The following CNTLN variants were observed in gnomAD, a reference collection of about 807,000 sequenced individuals.
CNTLN encodes centlein, centrosomal protein.
Under a neutral mutation model 180.0 loss-of-function variants are expected in CNTLN, and 212 were observed. The observed-to-expected ratio is 1.18, with a 90% CI of 1.05 to 1.32. The LOEUF is 1.32. Ranked by LOEUF, CNTLN falls within the 40% of genes most tolerant of loss-of-function variation. The pLI, the probability that CNTLN is intolerant of heterozygous loss-of-function variation, is 0.00. For synonymous variants in CNTLN, 722 were observed against 563.1 expected (o/e 1.28, Z -3.99); for missense variants, 2,095 against 1,610.9 (o/e 1.30, Z -5.14).
rs1334007181 is a variant in CNTLN at position 17,409,212 on chromosome 9, A to G, written c.2616-81A>G. On this transcript the variant is annotated intron_variant, in intron 15 of 25. Coordinates refer to ENST00000380647, the MANE Select transcript of CNTLN (RefSeq NM_017738.4). ...TTTTATATACAATCTATGCTAAAAT[A>G]TTATTTGGTCTTGAACTTAAGACAA... The G allele has an allele frequency of 3.9e-6, 5 of 1,290,764 alleles. No homozygotes were observed. In the African/African-American group the frequency reaches 7.5e-5, roughly 19 times the overall value. 80.0% of individuals were successfully genotyped at this position (1,290,764 alleles called of 1,614,324 possible). A position where few individuals can be genotyped will look rare whatever the true frequency, so the allele number is the denominator to read the frequency against.
chr9:17,235,608 GT>G, intron 3 of CNTLN, 49 bp from the exon 4 acceptor site: 1 of 1,406,010 alleles, frequency 7.1e-7, no homozygotes, highest in Non-Finnish European at 9.7e-7. Flanking sequence ...ATAAAATACT[GT>G]TTTTCTTAGA....
the CNTLN span, among the ~76,000 whole-genome samples, chr9:17,510,635 T>C: frequency 1.3e-5 from 2 of 152,192 alleles, no homozygotes; most frequent in African/African-American, 4.8e-5. Flanking sequence ...CAGTTTGCCT[T>C]TGGACTTGAA....
chr9:17,520,826 G>C, the CNTLN span, among the ~76,000 whole-genome samples: 1 of 152,176 alleles, frequency 6.6e-6, no homozygotes, highest in African/African-American at 2.4e-5. Context: ...TAATGCTAGT[G>C]GTCAGGGCAG....
chr9:17,404,441 C>A (rs949208316), intron 15 of CNTLN, among the ~76,000 whole-genome samples: 1 of 151,598 alleles, frequency 6.6e-6, no homozygotes, highest in Non-Finnish European at 1.5e-5. Flanking sequence ...TTTGAGGGAA[C>A]ACAATTATGG....
the CNTLN span, among the ~76,000 whole-genome samples, chr9:17,518,966 C>A: frequency 6.6e-6 from 1 of 152,114 alleles, no homozygotes. Context: ...CTCTGTCACC[C>A]AGGCTTGAGT....
chr9:17,291,985 G>A (rs553156475), intron 6 of CNTLN, among the ~76,000 whole-genome samples: 1 of 152,080 alleles, frequency 6.6e-6, no homozygotes, highest in Non-Finnish European at 1.5e-5. Context: ...CTCTTGCAAG[G>A]TAGGCCTGGT....
At chr9:17,298,769 G>T in intron 7 of CNTLN, 1 of 987,922 alleles carries the variant, frequency 1.0e-6, no homozygotes, top group Non-Finnish European at 1.2e-6. Context: ...ATACAAAGGG[G>T]ATTGCTGAGG....
chr9:17,342,229 G>A, intron 11 of CNTLN, 96 bp from the exon 12 acceptor site: 2 of 1,228,720 alleles, frequency 1.6e-6, no homozygotes, highest in East Asian at 2.6e-5. Flanking sequence ...TAGAAATTTG[G>A]TCAATAGATA....
intron 23 of CNTLN, among the ~76,000 whole-genome samples, chr9:17,478,011 G>C (rs753973257): frequency 6.6e-6 from 1 of 152,206 alleles, no homozygotes; most frequent in Non-Finnish European, 1.5e-5. Context: ...CCAGCTGTCA[G>C]CAACCATCAC....
intron 8 of CNTLN, among the ~76,000 whole-genome samples, chr9:17,312,387 T>TATATATATATTATA (rs1554686030): frequency 9.5e-6 from 1 of 104,902 alleles, no homozygotes; most frequent in Non-Finnish European, 2.1e-5. Context: ...TATATATAAT[T>TATATATATATTATA]TATTTATTTA....
chr9:17,488,062 G>T (rs1832978319), intron 25 of CNTLN, among the ~76,000 whole-genome samples: 1 of 152,118 alleles, frequency 6.6e-6, no homozygotes, highest in Non-Finnish European at 1.5e-5. Context: ...AAATGTTTCT[G>T]TGTAAAGATT....
chr9:17,315,883 C>G (rs1402014804), intron 8 of CNTLN, among the ~76,000 whole-genome samples: 1 of 151,842 alleles, frequency 6.6e-6, no homozygotes, highest in Non-Finnish European at 1.5e-5. Context: ...TTTTCTCTAC[C>G]TATTCTATCA....
intron 7 of CNTLN, among the ~76,000 whole-genome samples, chr9:17,308,279 A>G (rs967651603): frequency 2.0e-5 from 3 of 152,146 alleles, no homozygotes; most frequent in African/African-American, 7.2e-5. Flanking sequence ...AAGGTTTTAA[A>G]GTTATTAATA....
chr9:17,313,575 A>G (rs1354036269), intron 8 of CNTLN, among the ~76,000 whole-genome samples: 1 of 152,032 alleles, frequency 6.6e-6, no homozygotes, highest in African/African-American at 2.4e-5. Context: ...GACTCTTAGC[A>G]TTTAAACTAT....
chr9:17,290,228 G>T (rs923975064), intron 6 of CNTLN, among the ~76,000 whole-genome samples: 6 of 152,170 alleles, frequency 3.9e-5, no homozygotes, highest in South Asian at 2.1e-4. Flanking sequence ...CCTTCTATCA[G>T]ACAGGACCCT....
intron 23 of CNTLN, among the ~76,000 whole-genome samples, chr9:17,480,309 G>T (rs1387606291): frequency 6.6e-6 from 1 of 151,112 alleles, no homozygotes; most frequent in Non-Finnish European, 1.5e-5. Flanking sequence ...TCAGATAAAT[G>T]CTAAGAAAAA....
chr9:17,229,275 T>A (rs1824666560), intron 3 of CNTLN, among the ~76,000 whole-genome samples: 1 of 152,058 alleles, frequency 6.6e-6, no homozygotes, highest in South Asian at 2.1e-4. Flanking sequence ...GACATTACAT[T>A]TAGCAGTCAT....
At chr9:17,492,265 T>TTTTC (rs140003186) in intron 25 of CNTLN, among the ~76,000 whole-genome samples, 7,453 of 151,948 alleles carry the variant, frequency 0.049, 450 homozygotes, top group African/African-American at 0.14. Flanking sequence ...TGTAATTCCT[T>TTTTC]TTTCTTTCTT....
the CNTLN span, among the ~76,000 whole-genome samples, chr9:17,527,380 G>C: frequency 1.3e-5 from 2 of 152,126 alleles, no homozygotes; most frequent in East Asian, 3.9e-4. Context: ...TTTCAAGCAG[G>C]CTATACTATC....
Sources: gnomAD v4.1 joint callset for allele counts (sites outside exome capture counted in the v4.1 genomes callset) on GRCh38, gnomAD v4.1.1 for gene constraint, MANE v1.5 for transcripts, NCBI Gene and HGNC (gene_info 2026-07-23, HGNC 2026-07-21) for gene names.